The following SUCO variants were observed in gnomAD, a reference collection of about 807,000 sequenced individuals.
The protein encoded by SUCO is SUN domain containing ossification factor.
SUCO carries 57 observed loss-of-function variants against 148.1 expected under a neutral mutation model. That is an observed-to-expected ratio of 0.38 (90% confidence interval 0.31 to 0.48). The LOEUF (loss-of-function observed/expected upper bound fraction) is 0.48. Among genes scored for constraint, SUCO ranks in the 20% least tolerant of loss-of-function variants. The pLI, the probability that SUCO is intolerant of heterozygous loss-of-function variation, is 0.96. For synonymous variants in SUCO, 470 were observed against 502.7 expected (o/e 0.93, Z 0.87); for missense variants, 1,331 against 1,468.2 (o/e 0.91, Z 1.53).
rs1162712585 is a variant in SUCO at position 172,577,527 on chromosome 1, C to T, written c.1264-12C>T. 6.2e-7 allele frequency: 1 copy of T among 1,608,772 alleles called. No homozygotes were observed. The highest frequency in any genetic ancestry group is 1.1e-5 in the South Asian group (1 of 90,778). On this transcript the variant is annotated splice_polypyrimidine_tract_variant and intron_variant, in intron 11 of 23. Transcript: ENST00000263688. ...AACTGATTTCTTTTTCTTTTCCTTT[C>T]TCTTGCTTCAGATGTTCATCAAGTA...
At chr1:172,532,882 G>A, upstream of SUCO, 2 of 1,487,000 alleles carry the variant, frequency 1.3e-6, no homozygotes, top group Non-Finnish European at 1.8e-6. Context: ...GGCGGGACCT[G>A]GGGCGGGCGG....
intron 22 of SUCO, among the ~76,000 whole-genome samples, chr1:172,606,851 G>A (rs900990171): frequency 6.6e-6 from 1 of 151,564 alleles, no homozygotes; most frequent in Non-Finnish European, 1.5e-5. Flanking sequence ...TTACTTCTCC[G>A]TATATCTTCC....
At chr1:172,607,582 CT>C (rs1209668243) in intron 22 of SUCO, among the ~76,000 whole-genome samples, 1 of 151,764 alleles carries the variant, frequency 6.6e-6, no homozygotes, top group Admixed American at 6.6e-5. Context: ...TTGTCTTCTA[CT>C]TGACTGTCCG....
chr1:172,558,059 G>C (rs1489265902), intron 6 of SUCO, among the ~76,000 whole-genome samples: 1 of 152,146 alleles, frequency 6.6e-6, no homozygotes, highest in Non-Finnish European at 1.5e-5. Flanking sequence ...ACAGCTGTTT[G>C]ATAGCAGATA....
At chr1:172,532,408 G>C, upstream of SUCO, 1 of 1,291,480 alleles carries the variant, frequency 7.7e-7, no homozygotes. Flanking sequence ...TGAGGAACCC[G>C]GCAAGCGGCG....
chr1:172,568,978 T>G, intron 6 of SUCO, 41 bp from the exon 7 acceptor site: 1 of 1,512,966 alleles, frequency 6.6e-7, no homozygotes, highest in Non-Finnish European at 8.8e-7. Context: ...TTTGTATTAT[T>G]TGAAAGTTGA....
In SUCO at chr1:172,610,361, G is replaced by A; in HGVS notation, c.*102G>A. ...TGGGGGAGGGAGAAAATATTAATGG[G>A]AAAGGCATTCAGAAATTATGGTTTC... On this transcript the variant is annotated 3_prime_UTR_variant, in exon 24 of 24. Coordinates refer to ENST00000263688, the MANE Select transcript of SUCO (RefSeq NM_014283.5). The A allele has an allele frequency of 7.0e-7, 1 of 1,429,204 alleles. No homozygotes were observed. The highest frequency in any genetic ancestry group is 9.2e-7 in the Non-Finnish European group (1 of 1,089,370). The allele number at this position is 1,429,204 out of a possible 1,614,324, so 88.5% of individuals were successfully genotyped here.
At chr1:172,560,516 GTGCATGA>G (rs1237711226) in intron 6 of SUCO, among the ~76,000 whole-genome samples, 2 of 152,176 alleles carry the variant, frequency 1.3e-5, no homozygotes, top group Non-Finnish European at 2.9e-5. Flanking sequence ...ATTCTCTTTA[GTGCATGA>G]CCTGTGTTGG....
In SUCO at chr1:172,570,082, C is replaced by T. The variant is rs777795358; in HGVS notation, c.892C>T (p.His298Tyr). Residue 298 changes from histidine to tyrosine, a missense_variant, in exon 8 of 24, where the codon CAT becomes TAT. Coordinates refer to ENST00000263688, the MANE Select transcript of SUCO (RefSeq NM_014283.5). ...SMHASSNGGS[H>Y]ATKKVQKNRN... is the part of the protein sequence containing the mutation. Reference sequence around the variant, plus strand: ...GCATGCATCTTCTAATGGAGGTTCACATGCCACCAAAAAGGTCCAGAAAAA... The same window carrying T: ...GCATGCATCTTCTAATGGAGGTTCATATGCCACCAAAAAGGTCCAGAAAAA... 21 of 1,588,640 alleles carry T rather than the reference C, an allele frequency of 1.3e-5. No homozygotes were observed. The African/African-American group carries it at 2.2e-4, about 16-fold the overall frequency.
Position 172,589,290 on chromosome 1 carries a change from C to CTCAGTCTCT in SUCO, c.2192_2200dup (p.Gln731_Leu733dup). On this transcript the variant is annotated inframe_insertion, in exon 18 of 24. Coordinates refer to ENST00000263688, the MANE Select transcript of SUCO (RefSeq NM_014283.5). Reference sequence around the variant, plus strand: ...GAACCAAGCCATTCTCAAACTCTTTCTCAGTCTCTTCTTTTAGATATTACC... The same window carrying CTCAGTCTCT: ...GAACCAAGCCATTCTCAAACTCTTTCTCAGTCTCTTCAGTCTCTTCTTTTAGATATTACC... 4 of 1,613,632 alleles carry CTCAGTCTCT rather than the reference C, an allele frequency of 2.5e-6. No homozygotes were observed. Among genetic ancestry groups the CTCAGTCTCT allele is most frequent in the Non-Finnish European group, 2.5e-6 (3 of 1,179,814 alleles).
At chr1:172,582,790 G>T (rs1482736869) in intron 15 of SUCO, among the ~76,000 whole-genome samples, 1 of 152,116 alleles carries the variant, frequency 6.6e-6, no homozygotes, top group African/African-American at 2.4e-5. Context: ...AATGGGCTGA[G>T]AAGAAATTTG....
At chr1:172,598,279 T>A (rs1489272610) in intron 19 of SUCO, among the ~76,000 whole-genome samples, 1 of 152,242 alleles carries the variant, frequency 6.6e-6, no homozygotes, top group Non-Finnish European at 1.5e-5. Flanking sequence ...GGTCTGTTTC[T>A]GGGCTTTTGT....
chr1:172,577,003 A>G (rs1655494586), intron 11 of SUCO: 1 of 754,360 alleles, frequency 1.3e-6, no homozygotes, highest in Non-Finnish European at 1.6e-6. Context: ...TTGTACTTGA[A>G]ATAACATAGC....
chr1:172,570,490 C>T lies in SUCO; in HGVS notation c.982-173C>T, dbSNP rs149920790. On this transcript the variant is annotated intron_variant, in intron 8 of 23. Transcript: ENST00000263688. ...TGTAACACTAATTTAATGCTGTTGCCGTGAATGGTGAATCTTAGCCACTTT... is the reference window on the plus strand; with the variant it reads ...TGTAACACTAATTTAATGCTGTTGCTGTGAATGGTGAATCTTAGCCACTTT... 662 of 577,994 alleles carry T rather than the reference C, an allele frequency of 1.1e-3. 3 individuals are homozygous for T. The highest frequency in any genetic ancestry group is 7.9e-3 in the African/African-American group (415 of 52,856). The allele number at this position is 577,994 out of a possible 1,614,324, so 35.8% of individuals were successfully genotyped here.
At chr1:172,562,145 C>T (rs1654202640) in intron 6 of SUCO, among the ~76,000 whole-genome samples, 2 of 152,138 alleles carry the variant, frequency 1.3e-5, no homozygotes, top group South Asian at 2.1e-4. Context: ...TAAGACTAAA[C>T]ATTTTAGCCT....
intron 11 of SUCO, among the ~76,000 whole-genome samples, chr1:172,576,426 G>A (rs2149250785): frequency 1.3e-5 from 2 of 151,488 alleles, no homozygotes; most frequent in Non-Finnish European, 3.0e-5. Context: ...TCTATAAATA[G>A]GTAAACTTGT....
At chr1:172,535,708 C>T (rs142413718) in intron 1 of SUCO, among the ~76,000 whole-genome samples, 1 of 152,152 alleles carries the variant, frequency 6.6e-6, no homozygotes. Flanking sequence ...CAAATTGTCT[C>T]AAAATTTTGT....
At position 172,602,695 on chromosome 1, in the gene SUCO, G is replaced by T. The variant is rs1430349152; in HGVS notation, c.3174-1G>T. 1 of 1,611,492 alleles carries T rather than the reference G, an allele frequency of 6.2e-7. No individual in the cohort carries two copies. Among genetic ancestry groups the T allele is most frequent in the Non-Finnish European group, 8.5e-7 (1 of 1,179,286 alleles). The stretch of plus-strand genomic sequence containing the variant: ...AATATGTATTTTTCCTAATGTGTTA[G>T]GTGTTTCTCTTCCTATGATGATATG... On this transcript the variant is annotated splice_acceptor_variant, in intron 21 of 23. Transcript: ENST00000263688. LOFTEE classifies it high-confidence loss of function.
chr1:172,560,212 CAA>C (rs1323250865), intron 6 of SUCO, among the ~76,000 whole-genome samples: 7 of 152,298 alleles, frequency 4.6e-5, no homozygotes, highest in Admixed American at 3.3e-4. Flanking sequence ...AAATTAGTAA[CAA>C]GACAGCCTTC....
Sources: allele counts gnomAD v4.1 joint callset (sites outside exome capture counted in the v4.1 genomes callset), GRCh38; gene constraint gnomAD v4.1.1; transcripts MANE v1.5; gene names NCBI Gene and HGNC (gene_info 2026-07-23, HGNC 2026-07-21).